The following ELFN1 variants were observed in gnomAD, a reference collection of about 807,000 sequenced individuals.
The protein encoded by ELFN1 is protein ELFN1.
A neutral mutation model predicts 7.6 loss-of-function variants in ELFN1; 6 were observed. The observed-to-expected ratio is 0.79, with a 90% CI of 0.43 to 1.56. The LOEUF (loss-of-function observed/expected upper bound fraction) is 1.56, where lower values mean the gene tolerates loss of function less well. Ranked by LOEUF, ELFN1 falls within the 40% of genes most tolerant of loss-of-function variation. ELFN1 has a pLI of 0.01. For synonymous variants in ELFN1, 657 were observed against 588.1 expected (o/e 1.12, Z -1.70); for missense variants, 1,169 against 1,232.2 (o/e 0.95, Z 0.77).
chr7:1,742,546 G>A (rs1443533433), intron 3 of ELFN1, among the ~76,000 whole-genome samples: 1 of 152,222 alleles, frequency 6.6e-6, no homozygotes, highest in Non-Finnish European at 1.5e-5. Flanking sequence ...AGACAGCGCT[G>A]ACTCCCGTGA....
chr7:1,692,695 T>C (rs1779195556), intron 2 of ELFN1: 1 of 153,002 alleles, frequency 6.5e-6, no homozygotes, highest in Non-Finnish European at 1.5e-5. Flanking sequence ...GGAAGGGAGA[T>C]TTTTGAGGCC....
intron 3 of ELFN1, among the ~76,000 whole-genome samples, chr7:1,720,039 G>A (rs1235820251): frequency 6.7e-6 from 1 of 148,506 alleles, no homozygotes; most frequent in African/African-American, 2.5e-5. Context: ...CCAGCCACCC[G>A]GCATTCCGTG....
rs1314915170 is a variant in ELFN1, at chr7:1,745,845, C to G, written c.1249C>G (p.His417Asp). 6.3e-7 allele frequency: 1 copy of G among 1,586,100 alleles called. No individual in the cohort carries two copies. The highest frequency in any genetic ancestry group is 8.6e-7 in the Non-Finnish European group (1 of 1,168,020). The change falls in exon 4 of 4, where the codon CAC becomes GAC. Residue 417 changes from histidine (H) to aspartate (D), a missense_variant. Transcript: ENST00000424383. Reference protein sequence around the residue: ...GPVPSPSTATHYIMTILGCLF... With the variant: ...GPVPSPSTATDYIMTILGCLF... ...GGTGCCCAGCCCCTCCACGGCCACC[C>G]ACTACATCATGACCATCCTGGGCTG...
chr7:1,683,339 TTG>T (rs1272597329), intron 1 of ELFN1, among the ~76,000 whole-genome samples: 1 of 152,224 alleles, frequency 6.6e-6, no homozygotes. Context: ...TTAGTTTTTT[TTG>T]TTTTTGTTTT....
In ELFN1 at chr7:1,705,689, A is replaced by G. The variant is rs1318492593; in HGVS notation, c.-455-3402A>G. The stretch of plus-strand genomic sequence containing the variant: ...TTTCTGGCCCTGCCCTTTCTGGCTC[A>G]TGGCAATTCAGTGGATGGCTTTGGG... On this transcript the variant is annotated intron_variant, in intron 2 of 3. Transcript: ENST00000424383. The surrounding 1 kb of genome is among the most constrained non-coding windows in gnomAD (Gnocchi z 4.3). Among the ~76,000 whole-genome samples, 1 of 152,246 alleles carries G rather than the reference A, an allele frequency of 6.6e-6. No homozygotes were observed. Among genetic ancestry groups the G allele is most frequent in the African/African-American group, 2.4e-5 (1 of 41,472 alleles).
chr7:1,734,207 AT>A (rs935501764), intron 3 of ELFN1, among the ~76,000 whole-genome samples: 1 of 152,052 alleles, frequency 6.6e-6, no homozygotes, highest in Admixed American at 6.5e-5. Context: ...GGCATAAGTG[AT>A]GCGCTTTCTG....
intron 3 of ELFN1, among the ~76,000 whole-genome samples, chr7:1,714,875 C>T (rs140565754): frequency 0.013 from 1,984 of 152,336 alleles, 21 homozygotes; most frequent in Middle Eastern, 0.041. Context: ...GCAAAGACAG[C>T]AGCAGTGGAG....
In ELFN1 at chr7:1,695,763, A is replaced by C. The variant is rs1164633011; in HGVS notation, c.-456+7613A>C. On this transcript the variant is annotated intron_variant, in intron 2 of 3. Transcript: ENST00000424383. The surrounding 1 kb of genome is among the most constrained non-coding windows in gnomAD (Gnocchi z 5.1). ...ACTCCGTGTCAAAAAAAAAAAAAAA[A>C]AAAAAAAAACCGTGCTGGTTTGGTT... Among the ~76,000 whole-genome samples, 1 of 151,112 alleles carries C rather than the reference A, an allele frequency of 6.6e-6. No individual in the cohort carries two copies. Among genetic ancestry groups the C allele is most frequent in the African/African-American group, 2.4e-5 (1 of 40,950 alleles).
In ELFN1 at chr7:1,709,150, G is replaced by A. The variant is rs1243063332; in HGVS notation, c.-396G>A. 1 of 152,266 alleles carries A rather than the reference G, an allele frequency of 6.6e-6. No homozygotes were observed. Among genetic ancestry groups the A allele is most frequent in the African/African-American group, 2.4e-5 (1 of 41,448 alleles). 9.4% of individuals were successfully genotyped at this position (152,266 alleles called of 1,614,324 possible). On this transcript the variant is annotated 5_prime_UTR_variant, in exon 3 of 4. The change creates a new upstream start codon in the 5' untranslated region. Transcript: ENST00000424383. ...TTGTCCGGACCCAGGCTGTCCTTCT[G>A]TGTGCTGGAATGAGGCGAACATGTC...
At chr7:1,713,693 C>T (rs1462681153) in intron 3 of ELFN1, among the ~76,000 whole-genome samples, 3 of 152,076 alleles carry the variant, frequency 2.0e-5, no homozygotes, top group Non-Finnish European at 2.9e-5. Flanking sequence ...TGGAGGTGAG[C>T]CCAGACCCTC....
At chr7:1,727,820 C>T (rs1353926766) in intron 3 of ELFN1, among the ~76,000 whole-genome samples, 1 of 152,108 alleles carries the variant, frequency 6.6e-6, no homozygotes, top group Non-Finnish European at 1.5e-5. Context: ...GTTGCCCAGT[C>T]GGATCTTGAA....
chr7:1,668,050 G>T (rs1349602314), upstream of ELFN1, among the ~76,000 whole-genome samples: 2 of 152,158 alleles, frequency 1.3e-5, no homozygotes, highest in East Asian at 3.9e-4. Flanking sequence ...CCAGCTCCAG[G>T]TTTCGCTCTC....
chr7:1,715,461 G>A (rs1360342238), intron 3 of ELFN1, among the ~76,000 whole-genome samples: 3 of 152,074 alleles, frequency 2.0e-5, no homozygotes, highest in Admixed American at 6.5e-5. Context: ...CCCAAGCCCA[G>A]CCTGGATGGA....
chr7:1,672,637 A>G (rs930615036), intron 1 of ELFN1, among the ~76,000 whole-genome samples: 19 of 152,120 alleles, frequency 1.2e-4, no homozygotes, highest in African/African-American at 4.3e-4. Context: ...ACACACACGC[A>G]TCAGCTCTAG....
chr7:1,742,722 G>T (rs1780661654), intron 3 of ELFN1, among the ~76,000 whole-genome samples: 1 of 152,238 alleles, frequency 6.6e-6, no homozygotes, highest in African/African-American at 2.4e-5. Context: ...AGGCCCGCTA[G>T]GACCTCGTTG....
chr7:1,747,317 C>G lies in ELFN1; in HGVS notation c.*234C>G, dbSNP rs5019477. The G allele has an allele frequency of 6.8e-3, 1,313 of 193,516 alleles. 41 individuals are homozygous for G. The highest frequency in any genetic ancestry group is 0.037 in the South Asian group (175 of 4,702). The allele number at this position is 193,516 out of a possible 1,614,324, so 12.0% of individuals were successfully genotyped here. A position where few individuals can be genotyped will look rare whatever the true frequency, so the allele number is the denominator to read the frequency against. ...TGGCACGTGTCCACACACACACACA[C>G]ACACACACACACACACACGAGGGAC... On this transcript the variant is annotated 3_prime_UTR_variant, in exon 4 of 4. Coordinates refer to ENST00000424383, the MANE Select transcript of ELFN1 (RefSeq NM_001128636.4).
At chr7:1,700,861 C>T (rs1779413215) in intron 2 of ELFN1, among the ~76,000 whole-genome samples, 1 of 152,192 alleles carries the variant, frequency 6.6e-6, no homozygotes, top group East Asian at 1.9e-4. Context: ...GCGAGTAATA[C>T]AGTTGAGCAC....
At chr7:1,741,217 A>G (rs1283946364) in intron 3 of ELFN1, among the ~76,000 whole-genome samples, 1 of 151,898 alleles carries the variant, frequency 6.6e-6, no homozygotes, top group African/African-American at 2.4e-5. Flanking sequence ...GTGCCTCCTA[A>G]GGGGCTGTGG....
chr7:1,714,165 C>T (rs372584173), intron 3 of ELFN1, among the ~76,000 whole-genome samples: 3 of 152,338 alleles, frequency 2.0e-5, no homozygotes, highest in East Asian at 1.9e-4. Context: ...GACCAGCCTA[C>T]GCCTCTGAGG....
Sources: allele counts gnomAD v4.1 joint callset (sites outside exome capture counted in the v4.1 genomes callset), GRCh38; gene constraint gnomAD v4.1.1; non-coding constraint Gnocchi (gnomAD v3.1); transcripts MANE v1.5; gene names NCBI Gene and HGNC (gene_info 2026-07-23, HGNC 2026-07-21).